CCNT2: variants seen among roughly 807,000 people sequenced by gnomAD.
CCNT2 encodes cyclin-T2.
Under a neutral mutation model 70.0 loss-of-function variants are expected in CCNT2, and 18 were observed. The observed-to-expected ratio is 0.26, with a 90% CI of 0.18 to 0.38. The LOEUF (loss-of-function observed/expected upper bound fraction) is 0.38. CCNT2 is among the 10% of genes least tolerant of loss of function. The probability of loss-of-function intolerance (pLI) is 1.00; values close to 1 mark genes in which losing one functional copy is unlikely to be tolerated. For synonymous variants in CCNT2, 334 were observed against 313.3 expected, an observed-to-expected ratio of 1.07 and a Z score of -0.70; for missense variants, 734 against 890.2, an observed-to-expected ratio of 0.82 and a Z score of 2.23.
Position 134,936,849 on chromosome 2 carries a change from G to A in CCNT2, c.249G>A (p.Ser83=), listed in dbSNP as rs41336650. The A allele has an allele frequency of 2.0e-3, 3,298 of 1,612,152 alleles. 66 individuals carry two copies. In the African/African-American group the frequency reaches 0.039, roughly 19 times the overall value. The change falls in exon 3 of 9, where the codon TCG becomes TCA. Residue 83 remains serine (S), a synonymous_variant. Coordinates refer to ENST00000264157, the MANE Select transcript of CCNT2 (RefSeq NM_058241.3). ...TTTTATCTTTTCTGCAGATAATATCGTCTACTGCATTATTTTTGGCTGCAA... is the reference window on the plus strand; with the variant it reads ...TTTTATCTTTTCTGCAGATAATATCATCTACTGCATTATTTTTGGCTGCAA... ...SFTKFNKNII[S]STALFLAAKV...
chr2:134,919,338 T>C (rs1679680448), intron 1 of CCNT2, among the ~76,000 whole-genome samples: 1 of 152,168 alleles, frequency 6.6e-6, no homozygotes. Flanking sequence ...CTCCCTGGAC[T>C]TGTCCCTGAC....
At chr2:134,948,152 C>CA (rs202232394) in intron 7 of CCNT2, among the ~76,000 whole-genome samples, 14 of 150,784 alleles carry the variant, frequency 9.3e-5, no homozygotes, top group Admixed American at 6.6e-4. Context: ...CCTGTCTCTA[C>CA]AAAAAAAAAG....
At chr2:134,944,127 G>T (rs1681775234) in intron 5 of CCNT2, 1 of 983,712 alleles carries the variant, frequency 1.0e-6, no homozygotes, top group Non-Finnish European at 1.2e-6. Context: ...TTTAACTGTG[G>T]TTCCTGTTCT....
chr2:134,925,981 T>A (rs1185511100), intron 2 of CCNT2, among the ~76,000 whole-genome samples: 1 of 149,806 alleles, frequency 6.7e-6, no homozygotes, highest in East Asian at 2.0e-4. Flanking sequence ...TTCCCCCACC[T>A]TAGCCTCCCA....
chr2:134,924,975 C>T (rs944871925), intron 2 of CCNT2, among the ~76,000 whole-genome samples: 1 of 152,166 alleles, frequency 6.6e-6, no homozygotes, highest in African/African-American at 2.4e-5. Context: ...TGATTGTATA[C>T]TCATGGTGCA....
At chr2:134,932,521 A>G (rs1171567892) in intron 2 of CCNT2, among the ~76,000 whole-genome samples, 4 of 152,140 alleles carry the variant, frequency 2.6e-5, no homozygotes, top group Non-Finnish European at 5.9e-5. Context: ...TTTAAATGTA[A>G]TTAGGTATCT....
chr2:134,950,643 A>T (rs779443939), intron 7 of CCNT2, among the ~76,000 whole-genome samples: 14 of 152,182 alleles, frequency 9.2e-5, no homozygotes, highest in Non-Finnish European at 1.5e-4. Context: ...CTGGGGGGAA[A>T]AAAAAAGACA....
chr2:134,934,331 A>G (rs1680998162), intron 2 of CCNT2, among the ~76,000 whole-genome samples: 2 of 152,226 alleles, frequency 1.3e-5, no homozygotes, highest in South Asian at 4.1e-4. Context: ...GAACCAAACC[A>G]GCTGTACTCC....
chr2:134,951,594 A>G (rs1426228813), intron 7 of CCNT2, among the ~76,000 whole-genome samples: 1 of 152,136 alleles, frequency 6.6e-6, no homozygotes, highest in African/African-American at 2.4e-5. Flanking sequence ...TAATTCCAGC[A>G]CTTTGGGAGG....
At chr2:134,943,580 C>T in intron 5 of CCNT2, 1 of 985,186 alleles carries the variant, frequency 1.0e-6, no homozygotes, top group South Asian at 4.7e-5. Flanking sequence ...TGTTAAGCGT[C>T]TTGTTTATAA....
At chr2:134,942,988 T>G (rs571738194) in intron 5 of CCNT2, 1 of 985,372 alleles carries the variant, frequency 1.0e-6, no homozygotes, top group Non-Finnish European at 1.2e-6. Flanking sequence ...GGGCCAATAG[T>G]GCATAGGTTC....
In CCNT2 at chr2:134,954,624, A is replaced by C. The variant is rs1410233347; in HGVS notation, c.2169A>C (p.Leu723Phe). The C allele has an allele frequency of 6.2e-7, 1 of 1,606,318 alleles. No homozygotes were observed. Among genetic ancestry groups the C allele is most frequent in the Admixed American group, 1.7e-5 (1 of 59,802 alleles). ...CATTCGACATGCTGGACTCACTGTT[A>C]AGTGCCCAAGGAATGAACATGTAAT... is the stretch of plus-strand genomic sequence containing the variant. ...KDTFDMLDSL[L>F]SAQGMNM The change falls in exon 9 of 9, where the codon TTA becomes TTC. Residue 723 changes from leucine to phenylalanine, a missense_variant. Coordinates refer to ENST00000264157, the MANE Select transcript of CCNT2 (RefSeq NM_058241.3).
Position 134,918,956 on chromosome 2 carries a change from C to T in CCNT2, c.102C>T (p.Leu34=). The T allele has an allele frequency of 6.2e-7, 1 of 1,613,910 alleles. No individual in the cohort carries two copies. The highest frequency in any genetic ancestry group is 2.2e-5 in the East Asian group (1 of 44,864). Residue 34 remains leucine (L), a synonymous_variant, in exon 1 of 9, where the codon CTC becomes CTT. Coordinates refer to ENST00000264157, the MANE Select transcript of CCNT2 (RefSeq NM_058241.3). ...RRCGVEADKE[L]SCRQQAANLI... is the part of the protein sequence containing the mutation. ...GCGGAGTGGAGGCGGATAAAGAGCT[C>T]TCGTGCCGCCAGCAGGCGGCCAACC... is the stretch of plus-strand genomic sequence containing the variant.
chr2:134,957,701 A>G lies in CCNT2; in HGVS notation c.*3053A>G, dbSNP rs1004588231. ...AATTGCAGGTATGTAAATACCAAAAAAGTCCTGTTGTCAGCCCTAGGTTTA... is the reference window on the plus strand; with the variant it reads ...AATTGCAGGTATGTAAATACCAAAAGAGTCCTGTTGTCAGCCCTAGGTTTA... On this transcript the variant is annotated 3_prime_UTR_variant, in exon 9 of 9. Coordinates refer to ENST00000264157, the MANE Select transcript of CCNT2 (RefSeq NM_058241.3). The G allele has an allele frequency of 6.6e-6, 1 of 152,190 alleles. No homozygotes were observed. The highest frequency in any genetic ancestry group is 2.4e-5 in the African/African-American group (1 of 41,438). The allele number at this position is 152,190 out of a possible 1,614,324, so 9.4% of individuals were successfully genotyped here.
chr2:134,950,339 CT>C lies in CCNT2; in HGVS notation c.704-2294del, dbSNP rs936064078. Among the ~76,000 whole-genome samples, 4 of 151,990 alleles carry C rather than the reference CT, an allele frequency of 2.6e-5. No individual in the cohort carries two copies. The East Asian group carries it at 5.8e-4, about 22-fold the overall frequency. ...AGACTTTCACCATGTTTTGCAGCAG[CT>C]TTTTTTTCTGTGTCAGTCACAAAAA... On this transcript the variant is annotated intron_variant, in intron 7 of 8. Transcript: ENST00000264157.
chr2:134,957,698 A>G lies in CCNT2; in HGVS notation c.*3050A>G, dbSNP rs1321665452. ...CCTAATTGCAGGTATGTAAATACCA[A>G]AAAAGTCCTGTTGTCAGCCCTAGGT... On this transcript the variant is annotated 3_prime_UTR_variant, in exon 9 of 9. Transcript: ENST00000264157. 1 of 152,218 alleles carries G rather than the reference A, an allele frequency of 6.6e-6. No homozygotes were observed. Among genetic ancestry groups the G allele is most frequent in the Non-Finnish European group, 1.5e-5 (1 of 68,034 alleles). 9.4% of individuals were successfully genotyped at this position (152,218 alleles called of 1,614,324 possible).
chr2:134,948,111 G>A (rs901993010), intron 7 of CCNT2, among the ~76,000 whole-genome samples: 2 of 152,230 alleles, frequency 1.3e-5, no homozygotes, highest in African/African-American at 4.8e-5. Flanking sequence ...CTTGAGCCCA[G>A]GAGTTCAAGA....
At chr2:134,942,816 T>C in intron 5 of CCNT2, 142 bp downstream of exon 5, 3 of 1,409,224 alleles carry the variant, frequency 2.1e-6, no homozygotes, top group Non-Finnish European at 2.8e-6. Flanking sequence ...GCATTACTTT[T>C]TAGTGTTCTA....
chr2:134,949,322 A>G (rs1008765921), intron 7 of CCNT2, among the ~76,000 whole-genome samples: 2 of 152,322 alleles, frequency 1.3e-5, no homozygotes, highest in East Asian at 1.9e-4. Flanking sequence ...GAGTAACACT[A>G]TTTTAGAGTT....
Sources: gnomAD v4.1 joint callset for allele counts (sites outside exome capture counted in the v4.1 genomes callset) on GRCh38, gnomAD v4.1.1 for gene constraint, MANE v1.5 for transcripts, NCBI Gene and HGNC (gene_info 2026-07-23, HGNC 2026-07-21) for gene names.